The following CUX1 variants were observed in gnomAD, a reference collection of about 807,000 sequenced individuals.
CUX1 encodes cut like homeobox 1.
In CUX1, 31 loss-of-function variants were observed where a neutral mutation model predicts 158.8. The observed-to-expected ratio is 0.20, with a 90% confidence interval of 0.15 to 0.26. The LOEUF (loss-of-function observed/expected upper bound fraction) is 0.26, where lower values mean the gene tolerates loss of function less well. CUX1 is among the 10% of genes least tolerant of loss of function. The pLI, the probability that CUX1 is intolerant of heterozygous loss-of-function variation, is 1.00. For missense variants in CUX1, 1,589 were observed against 2,014.6 expected, an observed-to-expected ratio of 0.79 and a Z score of 4.04; for synonymous variants, 879 against 862.1, an observed-to-expected ratio of 1.02 and a Z score of -0.34.
intron 3 of CUX1, among the ~76,000 whole-genome samples, chr7:102,041,218 C>T (rs1190516242): frequency 6.8e-6 from 1 of 147,436 alleles, no homozygotes; most frequent in Admixed American, 6.8e-5. Flanking sequence ...ATTGCTTGGA[C>T]GACCACCTGC....
At chr7:101,974,808 C>T (rs1812441076) in intron 2 of CUX1, among the ~76,000 whole-genome samples, 1 of 152,108 alleles carries the variant, frequency 6.6e-6, no homozygotes, top group South Asian at 2.1e-4. Context: ...GTATAATAAA[C>T]ACATGGAAAA....
chr7:101,895,914 T>TTTTTTTTTTTTTTTG (rs1562975227), intron 1 of CUX1, among the ~76,000 whole-genome samples: 4 of 131,336 alleles, frequency 3.0e-5, no homozygotes, highest in Middle Eastern at 3.9e-3. Context: ...TTTTGTTTTT[T>TTTTTTTTTTTTTTTG]TTTTTTTTTT....
chr7:101,834,733 C>T (rs1239774346), intron 1 of CUX1, among the ~76,000 whole-genome samples: 1 of 151,842 alleles, frequency 6.6e-6, no homozygotes, highest in Non-Finnish European at 1.5e-5. Flanking sequence ...AAAATTCTGG[C>T]CAGGCCTGTA....
chr7:102,066,479 A>T lies in CUX1; in HGVS notation c.190-3860A>T, dbSNP rs145889150. Among the ~76,000 whole-genome samples the T allele has an allele frequency of 3.9e-5, 6 of 152,238 alleles. No homozygotes were observed. The East Asian group carries it at 1.2e-3, about 29-fold the overall frequency. ...TGTGCCGTGCAAATTACCAAACCCC[A>T]CATCCTGGGGAATAACCCAAACAGG... On this transcript the variant is annotated intron_variant, in intron 3 of 23. Transcript: ENST00000292535.
intron 2 of CUX1, among the ~76,000 whole-genome samples, chr7:102,008,474 C>A (rs373941270): frequency 1.3e-5 from 2 of 152,086 alleles, no homozygotes; most frequent in South Asian, 4.1e-4. Flanking sequence ...GCCTGTCTTT[C>A]GGCACATTTC....
intron 20 of CUX1, among the ~76,000 whole-genome samples, chr7:102,222,057 G>C (rs544931155): frequency 1.3e-5 from 2 of 152,018 alleles, no homozygotes; most frequent in Non-Finnish European, 2.9e-5. Flanking sequence ...CCAGGAGTTC[G>C]AGACCAGTCT....
At chr7:102,111,983 G>C (rs926393612) in intron 7 of CUX1, 1 of 524,032 alleles carries the variant, frequency 1.9e-6, no homozygotes, top group African/African-American at 1.9e-5. Context: ...ATGTAGAGGT[G>C]GGAGGATCTC....
intron 8 of CUX1, among the ~76,000 whole-genome samples, chr7:102,155,560 AC>A (rs1392197958): frequency 2.6e-5 from 4 of 151,886 alleles, no homozygotes; most frequent in Non-Finnish European, 5.9e-5. Context: ...AAAAAAAAAA[AC>A]AACACAAAAA....
At chr7:102,013,566 C>A (rs1244559188) in intron 2 of CUX1, among the ~76,000 whole-genome samples, 1 of 152,246 alleles carries the variant, frequency 6.6e-6, no homozygotes, top group Non-Finnish European at 1.5e-5. Flanking sequence ...TGACCAAACA[C>A]ATAATAATTC....
At chr7:101,853,542 G>A (rs1424011587) in intron 1 of CUX1, among the ~76,000 whole-genome samples, 3 of 151,466 alleles carry the variant, frequency 2.0e-5, no homozygotes, top group East Asian at 1.9e-4. Context: ...GCCTAGTGAC[G>A]TGTTGTTGTT....
At chr7:102,174,899 G>A (rs1005391535) in intron 10 of CUX1, among the ~76,000 whole-genome samples, 1 of 152,172 alleles carries the variant, frequency 6.6e-6, no homozygotes, top group Admixed American at 6.5e-5. Flanking sequence ...GCAGTGAGCT[G>A]ACGTGACACC....
At chr7:102,058,722 A>G (rs1489612661) in intron 3 of CUX1, among the ~76,000 whole-genome samples, 2 of 152,156 alleles carry the variant, frequency 1.3e-5, no homozygotes, top group African/African-American at 4.8e-5. Context: ...GTACACATAT[A>G]TTATCTACTC....
intron 11 of CUX1, among the ~76,000 whole-genome samples, chr7:102,189,574 A>G (rs1323331011): frequency 6.6e-6 from 1 of 152,032 alleles, no homozygotes; most frequent in African/African-American, 2.4e-5. Context: ...TGCTTTTGCT[A>G]AGTTGTACGT....
chr7:102,233,980 T>C, intron 21 of CUX1, 72 bp from the exon 22 acceptor site: 1 of 1,262,424 alleles, frequency 7.9e-7, no homozygotes, highest in Non-Finnish European at 1.0e-6. Context: ...ATTTTAACCT[T>C]GACACGTACT....
intron 20 of CUX1, among the ~76,000 whole-genome samples, chr7:102,222,147 G>A (rs545076178): frequency 1.3e-5 from 2 of 152,176 alleles, no homozygotes; most frequent in Admixed American, 1.3e-4. Flanking sequence ...TGTGGTCCCA[G>A]CTACTTTGGG....
At position 102,193,754 on chromosome 7, in the gene CUX1, A is replaced by G. The variant is rs182046978; in HGVS notation, c.1077-88A>G. ...TGGGCAGAGGTTGCAGTGAGCCAAT[A>G]TCGCGCCACTGCACTCTAGCCTGGG... On this transcript the variant is annotated intron_variant, in intron 12 of 23. Coordinates refer to ENST00000292535, the MANE Select transcript of CUX1 (RefSeq NM_181552.4). 3.4e-4 allele frequency: 463 copies of G among 1,370,318 alleles called. 1 individual carries two copies. In the African/African-American group the frequency reaches 6.0e-3, roughly 18 times the overall value. 84.9% of individuals were successfully genotyped at this position (1,370,318 alleles called of 1,614,324 possible).
chr7:102,179,519 C>G (rs1162443772), intron 11 of CUX1, among the ~76,000 whole-genome samples: 2 of 152,240 alleles, frequency 1.3e-5, no homozygotes, highest in African/African-American at 4.8e-5. Context: ...CACCTTTTCC[C>G]TCAGTGGCCC....
chr7:102,012,605 G>A (rs1274800468), intron 2 of CUX1, among the ~76,000 whole-genome samples: 1 of 151,916 alleles, frequency 6.6e-6, no homozygotes, highest in Non-Finnish European at 1.5e-5. Flanking sequence ...TCTCTGACTG[G>A]ACTCTTTGAA....
rs533413741 is a variant in CUX1 at position 101,967,343 on chromosome 7, T to A, written c.141+51118T>A. 2.0e-5 allele frequency among the ~76,000 whole-genome samples: 3 copies of A among 152,336 alleles called. No homozygotes were observed. In the South Asian group the frequency reaches 6.2e-4, roughly 32 times the overall value. On this transcript the variant is annotated intron_variant, in intron 2 of 23. Transcript: ENST00000292535. ...AATCTTTTTCCATTTGCCACACTTG[T>A]GACTTAGCCAAGTGTCTTTTTCAAA...
Sources: gnomAD v4.1 joint callset for allele counts (sites outside exome capture counted in the v4.1 genomes callset) on GRCh38, gnomAD v4.1.1 for gene constraint, MANE v1.5 for transcripts, NCBI Gene and HGNC (gene_info 2026-07-23, HGNC 2026-07-21) for gene names.